The following KCNH7 variants were observed in gnomAD, a reference collection of about 807,000 sequenced individuals.
KCNH7 encodes the protein voltage-gated inwardly rectifying potassium channel KCNH7.
Under a neutral mutation model 120.8 loss-of-function variants are expected in KCNH7, and 49 were observed. The observed-to-expected ratio is 0.41, with a 90% CI of 0.32 to 0.51. The LOEUF (loss-of-function observed/expected upper bound fraction) is 0.51, where lower values mean the gene tolerates loss of function less well. KCNH7 is among the 20% of genes least tolerant of loss of function. The probability of loss-of-function intolerance (pLI) is 0.38; values close to 1 mark genes in which losing one functional copy is unlikely to be tolerated. For missense variants in KCNH7, 1,097 were observed against 1,446.6 expected, an observed-to-expected ratio of 0.76 and a Z score of 3.92; for synonymous variants, 547 against 516.1, an observed-to-expected ratio of 1.06 and a Z score of -0.81.
intron 2 of KCNH7, among the ~76,000 whole-genome samples, chr2:162,754,617 C>A (rs1052216950): frequency 2.6e-5 from 4 of 151,944 alleles, no homozygotes. Context: ...GAAACAAGAC[C>A]ATAGGAGCAA....
intron 2 of KCNH7, among the ~76,000 whole-genome samples, chr2:162,578,622 G>T (rs550007766): frequency 2.0e-5 from 3 of 152,142 alleles, no homozygotes; most frequent in South Asian, 4.1e-4. Flanking sequence ...CAGAAAACTG[G>T]AGTACTTTGT....
intron 9 of KCNH7, among the ~76,000 whole-genome samples, chr2:162,411,443 A>AT (rs997632007): frequency 2.6e-5 from 4 of 152,068 alleles, no homozygotes; most frequent in African/African-American, 9.7e-5. Flanking sequence ...AACAATAGAC[A>AT]TTGAGGACTG....
intron 2 of KCNH7, chr2:162,785,229 T>C (rs949463703): frequency 1.3e-5 from 2 of 152,226 alleles, no homozygotes; most frequent in African/African-American, 4.8e-5. Context: ...TATATTTCAC[T>C]TTTGAAAGAA....
chr2:162,477,450 A>AG (rs1689784291), intron 6 of KCNH7, among the ~76,000 whole-genome samples: 1 of 152,168 alleles, frequency 6.6e-6, no homozygotes, highest in Non-Finnish European at 1.5e-5. Flanking sequence ...TGAGAAAAAA[A>AG]GTCAACAGGG....
chr2:162,821,102 G>A (rs1685105947), intron 2 of KCNH7, among the ~76,000 whole-genome samples: 1 of 151,828 alleles, frequency 6.6e-6, no homozygotes, highest in Non-Finnish European at 1.5e-5. Flanking sequence ...AGGCCTAATG[G>A]AGAGTCCAGA....
chr2:162,397,104 G>A (rs917678966), intron 10 of KCNH7, among the ~76,000 whole-genome samples, 159 bp from the exon 11 acceptor site: 13 of 151,784 alleles, frequency 8.6e-5, no homozygotes. Context: ...ACCATGTTTG[G>A]TGAGTGGAAA....
intron 2 of KCNH7, among the ~76,000 whole-genome samples, chr2:162,719,795 C>A (rs34183034): frequency 4.6e-5 from 7 of 151,940 alleles, no homozygotes; most frequent in African/African-American, 1.7e-4. Flanking sequence ...AACAAAATAA[C>A]CTCTCCTAAG....
At chr2:162,735,010 C>T (rs904862402) in intron 2 of KCNH7, among the ~76,000 whole-genome samples, 1 of 152,128 alleles carries the variant, frequency 6.6e-6, no homozygotes, top group Non-Finnish European at 1.5e-5. Flanking sequence ...GCCAGCAGAA[C>T]CTGTCTCTTC....
intron 2 of KCNH7, among the ~76,000 whole-genome samples, chr2:162,570,716 C>T (rs1693441395): frequency 6.6e-6 from 1 of 151,780 alleles, no homozygotes; most frequent in African/African-American, 2.4e-5. Context: ...GCTCTTTCAT[C>T]CCTGGGATGC....
At chr2:162,409,782 C>T (rs899406463) in intron 9 of KCNH7, among the ~76,000 whole-genome samples, 6 of 151,782 alleles carry the variant, frequency 4.0e-5, no homozygotes, top group South Asian at 2.1e-4. Flanking sequence ...TTCTATACAC[C>T]GATAACACCC....
chr2:162,660,787 T>A (rs548130554), intron 2 of KCNH7, among the ~76,000 whole-genome samples: 29 of 152,306 alleles, frequency 1.9e-4, no homozygotes, highest in African/African-American at 7.0e-4. Context: ...ATGTGTTAAA[T>A]CTAACACAAC....
At chr2:162,764,299 A>G (rs537769227) in intron 2 of KCNH7, among the ~76,000 whole-genome samples, 146 of 152,274 alleles carry the variant, frequency 9.6e-4, no homozygotes, top group African/African-American at 3.4e-3. Context: ...TATGGCTAGC[A>G]TGATCATAAA....
At chr2:162,657,185 T>C (rs528956548) in intron 2 of KCNH7, among the ~76,000 whole-genome samples, 1 of 152,228 alleles carries the variant, frequency 6.6e-6, no homozygotes, top group Non-Finnish European at 1.5e-5. Context: ...TAGTTTACTG[T>C]TAGTGTTCAC....
At chr2:162,715,579 T>TA (rs1687090543) in intron 2 of KCNH7, among the ~76,000 whole-genome samples, 1 of 152,190 alleles carries the variant, frequency 6.6e-6, no homozygotes, top group Non-Finnish European at 1.5e-5. Flanking sequence ...TGGAGTAAAT[T>TA]ATCTTGCCCC....
At position 162,371,927 on chromosome 2, in the gene KCNH7, G is replaced by A. The variant is rs1473729861; in HGVS notation, c.3493C>T (p.Pro1165Ser). Residue 1165 changes from proline to serine, a missense_variant, in exon 16 of 16, where the codon CCA becomes TCA. This residue lies in a region of KCNH7 where 406 missense variants were observed against 410.5 expected (regional missense o/e 0.99). Coordinates refer to ENST00000332142, the MANE Select transcript of KCNH7 (RefSeq NM_033272.4). Reference sequence around the variant, plus strand: ...TCTGGCAAAGAAGGATGCCTAATTGGATGAACGTAAGTTTTTCTTTGCCGC... The same window carrying A: ...TCTGGCAAAGAAGGATGCCTAATTGAATGAACGTAAGTTTTTCTTTGCCGC... The part of the protein sequence containing the change: ...HLRQRKTYVH[P>S]IRHPSLPDSS... 1 of 1,613,762 alleles carries A rather than the reference G, an allele frequency of 6.2e-7. No homozygotes were observed. The highest frequency in any genetic ancestry group is 1.3e-5 in the African/African-American group (1 of 74,916).
chr2:162,645,095 TA>T (rs1049150587), intron 2 of KCNH7, among the ~76,000 whole-genome samples: 8 of 152,160 alleles, frequency 5.3e-5, no homozygotes, highest in African/African-American at 1.9e-4. Flanking sequence ...TTTATGTTTT[TA>T]AAAATCCCCA....
Position 162,503,443 on chromosome 2 carries a change from T to C in KCNH7, c.1128+1000A>G, listed in dbSNP as rs76870254. Reference sequence around the variant, plus strand: ...TTCACTACATAAATATTAAAATATATAGAAAAAATGCTCTCAAGAATGGCG... The same window carrying C: ...TTCACTACATAAATATTAAAATATACAGAAAAAATGCTCTCAAGAATGGCG... On this transcript the variant is annotated intron_variant, in intron 6 of 15. Coordinates refer to ENST00000332142, the MANE Select transcript of KCNH7 (RefSeq NM_033272.4). Among the ~76,000 whole-genome samples the C allele has an allele frequency of 3.6e-3, 548 of 152,098 alleles. 3 individuals carry two copies. The highest frequency in any genetic ancestry group is 0.012 in the African/African-American group (506 of 41,536).
chr2:162,632,274 A>G (rs1683799529), intron 2 of KCNH7, among the ~76,000 whole-genome samples: 1 of 151,978 alleles, frequency 6.6e-6, no homozygotes, highest in Admixed American at 6.6e-5. Context: ...CAACAACAAC[A>G]CAGCATAAAA....
At chr2:162,831,256 A>T (rs1268392521) in intron 2 of KCNH7, among the ~76,000 whole-genome samples, 1 of 152,122 alleles carries the variant, frequency 6.6e-6, no homozygotes, top group Non-Finnish European at 1.5e-5. Context: ...ACTTTCAGTG[A>T]TTCTTGGCGC....
Sources: gnomAD v4.1 joint callset for allele counts (sites outside exome capture counted in the v4.1 genomes callset) on GRCh38, gnomAD v4.1.1 for gene constraint, gnomAD v4.1.1 regional missense constraint, MANE v1.5 for transcripts, NCBI Gene and HGNC (gene_info 2026-07-23, HGNC 2026-07-21) for gene names.